TTC6: variants seen among roughly 807,000 people sequenced by gnomAD.
TTC6 encodes tetratricopeptide repeat domain 6.
Under a neutral mutation model 210.4 loss-of-function variants are expected in TTC6, and 172 were observed. The observed-to-expected ratio is 0.82, with a 90% CI of 0.72 to 0.93. The LOEUF is 0.93. Among genes scored for constraint, TTC6 ranks in the 40% least tolerant of loss-of-function variants. TTC6 has a pLI of 0.00. For synonymous variants in TTC6, 804 were observed against 819.6 expected (o/e 0.98, Z 0.32); for missense variants, 2,414 against 2,318.1 (o/e 1.04, Z -0.85).
intron 6 of TTC6, among the ~76,000 whole-genome samples, chr14:37,722,996 A>G (rs1003515205): frequency 6.6e-6 from 1 of 152,104 alleles, no homozygotes; most frequent in African/African-American, 2.4e-5. Flanking sequence ...TCATTTATTT[A>G]TATCAGTATG....
chr14:37,739,128 T>C (rs2095910453), exon 10 of TTC6: 4 of 1,511,742 alleles, frequency 2.6e-6, no homozygotes, highest in Non-Finnish European at 3.5e-6. Flanking sequence ...CATGAAGAGT[T>C]ATCCAAGCCT....
chr14:37,638,850 C>A (rs1297874169), intron 1 of TTC6, among the ~76,000 whole-genome samples: 1 of 152,084 alleles, frequency 6.6e-6, no homozygotes, highest in Non-Finnish European at 1.5e-5. Context: ...TTAGGAGATT[C>A]TTTATAAAAG....
chr14:37,701,420 T>A (rs749937242), exon 5 of TTC6: 1 of 1,533,322 alleles, frequency 6.5e-7, no homozygotes, highest in South Asian at 1.2e-5. Flanking sequence ...GCGCCTGGCT[T>A]CTCGAGTGTA....
intron 3 of TTC6, among the ~76,000 whole-genome samples, chr14:37,686,008 T>C (rs1250662783): frequency 6.6e-6 from 1 of 152,172 alleles, no homozygotes; most frequent in East Asian, 1.9e-4. Context: ...GGATAAGCCA[T>C]GGAAGACTAA....
intron 1 of TTC6, among the ~76,000 whole-genome samples, chr14:37,661,579 A>G (rs1160234565): frequency 2.0e-5 from 3 of 152,112 alleles, no homozygotes; most frequent in Non-Finnish European, 2.9e-5. Context: ...GCAGCCTTAT[A>G]GTATAGTTTG....
At chr14:37,629,924 T>G (rs1199710765) in intron 1 of TTC6, among the ~76,000 whole-genome samples, 1 of 152,224 alleles carries the variant, frequency 6.6e-6, no homozygotes, top group African/African-American at 2.4e-5. Context: ...GATTTGAGTA[T>G]GTTGAACCAG....
At chr14:37,824,752 T>C (rs1380583864) in intron 27 of TTC6, among the ~76,000 whole-genome samples, 1 of 152,070 alleles carries the variant, frequency 6.6e-6, no homozygotes, top group Non-Finnish European at 1.5e-5. Flanking sequence ...TTTTGAGAAA[T>C]TAACAATGTT....
At chr14:37,807,419 C>G in exon 23 of TTC6, 2 of 1,529,648 alleles carry the variant, frequency 1.3e-6, no homozygotes, top group South Asian at 2.4e-5. Flanking sequence ...TGAAAGCGTA[C>G]GTGCCTATCT....
chr14:37,672,821 A>ATTTTTTTTTTTTTTTTT (rs377117749), intron 1 of TTC6, among the ~76,000 whole-genome samples: 6 of 129,022 alleles, frequency 4.7e-5, no homozygotes, highest in African/African-American at 1.8e-4. Context: ...TGAATTCCTC[A>ATTTTTTTTTTTTTTTTT]TTTTTTTTTT....
At chr14:37,617,748 T>C (rs907539958), upstream of TTC6, among the ~76,000 whole-genome samples, 1 of 152,204 alleles carries the variant, frequency 6.6e-6, no homozygotes, top group African/African-American at 2.4e-5. Context: ...GGCTGAAGAT[T>C]TTACTAAATG....
chr14:37,629,958 G>A (rs1439526635), intron 1 of TTC6, among the ~76,000 whole-genome samples: 2 of 152,040 alleles, frequency 1.3e-5, no homozygotes, highest in East Asian at 1.9e-4. Flanking sequence ...GGATGAAGCC[G>A]ACTCGATCAT....
At chr14:37,796,684 T>C in intron 19 of TTC6, 103 bp from the exon 22 acceptor site, 1 of 1,074,256 alleles carries the variant, frequency 9.3e-7, no homozygotes, top group African/African-American at 1.7e-5. Context: ...GATTTGTTAA[T>C]TCATATTATA....
chr14:37,666,896 A>C (rs2095749250), intron 1 of TTC6, among the ~76,000 whole-genome samples: 1 of 150,122 alleles, frequency 6.7e-6, no homozygotes, highest in African/African-American at 2.4e-5. Flanking sequence ...TCTTACCATA[A>C]AAATACTGAA....
At chr14:37,770,625 C>A (rs1448900277) in intron 14 of TTC6, among the ~76,000 whole-genome samples, 1 of 151,896 alleles carries the variant, frequency 6.6e-6, no homozygotes, top group Non-Finnish European at 1.5e-5. Flanking sequence ...AGGATTGCAA[C>A]CCCTGCCTTT....
chr14:37,617,852 G>A (rs2095645249), upstream of TTC6, among the ~76,000 whole-genome samples: 1 of 152,216 alleles, frequency 6.6e-6, no homozygotes, highest in Non-Finnish European at 1.5e-5. Context: ...AGGTATGTCA[G>A]TTGAGATGAT....
chr14:37,620,613 A>G (rs945952449), upstream of TTC6, among the ~76,000 whole-genome samples: 1 of 152,200 alleles, frequency 6.6e-6, no homozygotes, highest in African/African-American at 2.4e-5. Context: ...AGATCTCAAA[A>G]TCTACTTATG....
intron 3 of TTC6, among the ~76,000 whole-genome samples, chr14:37,684,526 TA>T (rs1244551409): frequency 1.3e-5 from 2 of 152,082 alleles, no homozygotes; most frequent in East Asian, 3.9e-4. Flanking sequence ...GTGAATGGAT[TA>T]AAAAGACTCT....
At chr14:37,785,763 A>G (rs951010781) in intron 14 of TTC6, among the ~76,000 whole-genome samples, 2 of 152,060 alleles carry the variant, frequency 1.3e-5, no homozygotes, top group African/African-American at 4.8e-5. Flanking sequence ...GGTTTTATCT[A>G]TCTTTGGTCT....
At chr14:37,652,203 A>G (rs1400857289) in intron 1 of TTC6, among the ~76,000 whole-genome samples, 4 of 152,144 alleles carry the variant, frequency 2.6e-5, no homozygotes, top group Non-Finnish European at 2.9e-5. Flanking sequence ...ATTAGATTGA[A>G]CCATATGAAA....
Sources: gnomAD v4.1 joint callset for allele counts (sites outside exome capture counted in the v4.1 genomes callset) on GRCh38, gnomAD v4.1.1 for gene constraint, MANE v1.5 for transcripts, NCBI Gene and HGNC (gene_info 2026-07-23, HGNC 2026-07-21) for gene names.